INPP4B: variants seen among roughly 807,000 people sequenced by gnomAD.
INPP4B encodes the protein inositol polyphosphate 4-phosphatase type II.
In INPP4B, 55 loss-of-function variants were observed where a neutral mutation model predicts 122.5. The observed-to-expected ratio is 0.45, with a 90% CI of 0.36 to 0.56. The LOEUF (loss-of-function observed/expected upper bound fraction) is 0.56, where lower values mean the gene tolerates loss of function less well. INPP4B is among the 20% of genes least tolerant of loss of function. The probability of loss-of-function intolerance (pLI) is 0.00; values close to 1 mark genes in which losing one functional copy is unlikely to be tolerated. For missense variants in INPP4B, 1,000 were observed against 1,097.7 expected (o/e 0.91, Z 1.26); for synonymous variants, 403 against 388.7 (o/e 1.04, Z -0.43).
At chr4:142,545,814 CATGTGTGT>C (rs1829567385) in intron 2 of INPP4B, among the ~76,000 whole-genome samples, 1 of 116,878 alleles carries the variant, frequency 8.6e-6, no homozygotes, top group Non-Finnish European at 1.7e-5. Flanking sequence ...TACACATATA[CATGTGTGT>C]ATATATATAT....
chr4:142,140,206 G>A (rs969374925), intron 18 of INPP4B, among the ~76,000 whole-genome samples: 2 of 152,216 alleles, frequency 1.3e-5, no homozygotes, highest in African/African-American at 4.8e-5. Context: ...AAGAAGCAGT[G>A]ATGACTCGAA....
intron 17 of INPP4B, among the ~76,000 whole-genome samples, chr4:142,148,160 C>T (rs931934304): frequency 2.6e-5 from 4 of 152,194 alleles, no homozygotes; most frequent in African/African-American, 7.2e-5. Context: ...GCAGGTTCCC[C>T]TCAATTTTCC....
intron 25 of INPP4B, among the ~76,000 whole-genome samples, chr4:142,030,454 G>C (rs374231890): frequency 1.3e-5 from 2 of 152,136 alleles, no homozygotes; most frequent in African/African-American, 4.8e-5. Flanking sequence ...TTCCCCAAAT[G>C]CATCTTGTGT....
rs926795565 is a variant in INPP4B, at chr4:142,101,072, C to T, written c.2374+7021G>A. ...CTTTTGTGGGTGAAGTCTGGGAATC[C>T]AGGCTCAAGATAAGTGACAGTTTCT... is the stretch of plus-strand genomic sequence containing the variant. On this transcript the variant is annotated intron_variant, in intron 23 of 25. Transcript: ENST00000262992. Among the ~76,000 whole-genome samples, 4 of 152,004 alleles carry T rather than the reference C, an allele frequency of 2.6e-5. No homozygotes were observed. In the South Asian group the frequency reaches 6.2e-4, roughly 24 times the overall value.
At chr4:142,280,290 T>C (rs1750577343) in intron 9 of INPP4B, among the ~76,000 whole-genome samples, 2 of 151,908 alleles carry the variant, frequency 1.3e-5, no homozygotes, top group African/African-American at 2.4e-5. Context: ...CTGGAAACAA[T>C]AGAAATATCC....
chr4:142,113,691 A>G (rs1417713901), intron 21 of INPP4B, among the ~76,000 whole-genome samples: 2 of 151,990 alleles, frequency 1.3e-5, no homozygotes, highest in Non-Finnish European at 2.9e-5. Flanking sequence ...TCTCAATGCC[A>G]TTTACAATAG....
intron 2 of INPP4B, among the ~76,000 whole-genome samples, chr4:142,511,389 T>A (rs566934971): frequency 6.6e-6 from 1 of 152,270 alleles, no homozygotes; most frequent in South Asian, 2.1e-4. Context: ...GGAAGGCAAA[T>A]AATCTGCTTG....
At chr4:142,135,498 T>C (rs897931800) in intron 18 of INPP4B, among the ~76,000 whole-genome samples, 1 of 152,162 alleles carries the variant, frequency 6.6e-6, no homozygotes, top group Non-Finnish European at 1.5e-5. Context: ...ATGTTCTCCA[T>C]GGAAATGACT....
At chr4:142,766,950 G>C (rs766709960) in intron 1 of INPP4B, 3 of 152,108 alleles carry the variant, frequency 2.0e-5, no homozygotes, top group African/African-American at 7.2e-5. Flanking sequence ...AACAGTAAGA[G>C]CAGCCACTTT....
At chr4:142,736,762 CCT>C (rs1188929615) in intron 1 of INPP4B, among the ~76,000 whole-genome samples, 3 of 152,124 alleles carry the variant, frequency 2.0e-5, no homozygotes, top group African/African-American at 4.8e-5. Flanking sequence ...AATTTGACTT[CCT>C]CTTTTACTAA....
At chr4:142,677,409 T>C (rs137899588) in intron 2 of INPP4B, among the ~76,000 whole-genome samples, 77 of 152,102 alleles carry the variant, frequency 5.1e-4, no homozygotes, top group African/African-American at 1.8e-3. Context: ...TGTAAATTAG[T>C]TCAACTATTG....
chr4:142,114,136 T>A (rs964522690), intron 21 of INPP4B, among the ~76,000 whole-genome samples: 3 of 152,090 alleles, frequency 2.0e-5, no homozygotes, highest in African/African-American at 7.2e-5. Context: ...GTGGCATGTA[T>A]CAGTAGCTTG....
chr4:142,719,462 C>A (rs567605245), intron 2 of INPP4B, among the ~76,000 whole-genome samples: 1 of 151,916 alleles, frequency 6.6e-6, no homozygotes, highest in South Asian at 2.1e-4. Flanking sequence ...GTAGCTAGGA[C>A]TACAGGTGCC....
intron 23 of INPP4B, among the ~76,000 whole-genome samples, chr4:142,094,263 GTCT>G (rs1271265448): frequency 6.6e-6 from 1 of 152,192 alleles, no homozygotes; most frequent in Admixed American, 6.5e-5. Flanking sequence ...CCCCAGTTCA[GTCT>G]TCTTGTGAGC....
At chr4:142,810,133 G>A (rs1316986472) in intron 1 of INPP4B, among the ~76,000 whole-genome samples, 1 of 142,860 alleles carries the variant, frequency 7.0e-6, no homozygotes, top group Non-Finnish European at 1.5e-5. Flanking sequence ...TCGCGCCACT[G>A]TACTCCAGCC....
intron 2 of INPP4B, among the ~76,000 whole-genome samples, chr4:142,499,669 A>C (rs1005081464): frequency 6.6e-6 from 1 of 152,182 alleles, no homozygotes; most frequent in Non-Finnish European, 1.5e-5. Flanking sequence ...ACATGAAACT[A>C]GAGTAATTCT....
At chr4:142,762,345 C>T (rs746576531) in intron 1 of INPP4B, among the ~76,000 whole-genome samples, 16 of 152,130 alleles carry the variant, frequency 1.1e-4, no homozygotes, top group Non-Finnish European at 5.9e-5. Flanking sequence ...TACATATGCA[C>T]AGATTTTCCT....
chr4:142,203,741 T>C (rs1436549319), intron 14 of INPP4B, among the ~76,000 whole-genome samples: 3 of 152,070 alleles, frequency 2.0e-5, no homozygotes, highest in Non-Finnish European at 2.9e-5. Flanking sequence ...ATTAGCCTTG[T>C]ATCTGGTGAC....
At chr4:142,810,338 T>C (rs1655794616) in intron 1 of INPP4B, among the ~76,000 whole-genome samples, 1 of 152,162 alleles carries the variant, frequency 6.6e-6, no homozygotes, top group Admixed American at 6.5e-5. Context: ...TGCCACTTAT[T>C]ATTTAATTAT....
Sources: allele counts gnomAD v4.1 joint callset (sites outside exome capture counted in the v4.1 genomes callset), GRCh38; gene constraint gnomAD v4.1.1; transcripts MANE v1.5; gene names NCBI Gene and HGNC (gene_info 2026-07-23, HGNC 2026-07-21).